The following COPS4 variants were observed in gnomAD, a reference collection of about 807,000 sequenced individuals.
The protein encoded by COPS4 is COP9 signalosome complex subunit 4.
A neutral mutation model predicts 55.1 loss-of-function variants in COPS4; 8 were observed. That is an observed-to-expected ratio of 0.15 (90% CI 0.09 to 0.26). The LOEUF (loss-of-function observed/expected upper bound fraction) is 0.26, where lower values mean the gene tolerates loss of function less well. Among genes scored for constraint, COPS4 ranks in the 10% least tolerant of loss-of-function variants. The pLI, the probability that COPS4 is intolerant of heterozygous loss-of-function variation, is 1.00. For missense variants in COPS4, 248 were observed against 484.0 expected (o/e 0.51, Z 4.58); for synonymous variants, 185 against 165.7 (o/e 1.12, Z -0.90).
chr4:83,056,715 C>T (rs1331158781), intron 4 of COPS4, among the ~76,000 whole-genome samples: 3 of 152,230 alleles, frequency 2.0e-5, no homozygotes, highest in East Asian at 1.9e-4. Context: ...AGGAGAATGG[C>T]GTGAACCCGG....
intron 3 of COPS4, chr4:83,049,542 T>G (rs1730804740): frequency 2.0e-6 from 1 of 505,358 alleles, no homozygotes; most frequent in African/African-American, 2.0e-5. Context: ...CAAATATTGC[T>G]CTCTAGACAA....
intron 7 of COPS4, chr4:83,065,005 C>G: frequency 1.6e-6 from 1 of 623,980 alleles, no homozygotes; most frequent in South Asian, 1.7e-5. Flanking sequence ...CTCCACCTCC[C>G]CAGAAGCTTA....
chr4:83,041,608 C>T (rs1730570015), intron 1 of COPS4, among the ~76,000 whole-genome samples: 1 of 151,440 alleles, frequency 6.6e-6, no homozygotes, highest in African/African-American at 2.4e-5. Flanking sequence ...CTGGGACTTA[C>T]AGTTGTGCAC....
chr4:83,061,047 AT>A (rs756294450), intron 6 of COPS4, among the ~76,000 whole-genome samples: 3 of 150,880 alleles, frequency 2.0e-5, no homozygotes, highest in African/African-American at 7.4e-5. Flanking sequence ...AAAAAAAATA[AT>A]AATAATAATA....
rs574944631 is a variant in COPS4 at position 83,058,279 on chromosome 4, G to A, written c.715+871G>A. Among the ~76,000 whole-genome samples, 20 of 152,260 alleles carry A rather than the reference G, an allele frequency of 1.3e-4. No homozygotes were observed. The East Asian group carries it at 1.9e-3, about 15-fold the overall frequency. On this transcript the variant is annotated intron_variant, in intron 6 of 9. Coordinates refer to ENST00000264389, the MANE Select transcript of COPS4 (RefSeq NM_016129.3). ...ATCACCCAGGCTGGAGTGCAGTGGC[G>A]CAGTCACTGCTTACTACAGCCTCAA...
At chr4:83,046,203 A>G (rs1730709067) in intron 2 of COPS4, among the ~76,000 whole-genome samples, 1 of 152,160 alleles carries the variant, frequency 6.6e-6, no homozygotes, top group African/African-American at 2.4e-5. Context: ...CAACATCACT[A>G]ATCATCAGAG....
chr4:83,059,105 A>G (rs1031878214), intron 6 of COPS4, among the ~76,000 whole-genome samples: 2 of 151,338 alleles, frequency 1.3e-5, no homozygotes, highest in Non-Finnish European at 3.0e-5. Flanking sequence ...TTATACATTT[A>G]TGTTGACTGG....
At chr4:83,065,921 C>T (rs1411480219) in intron 7 of COPS4, among the ~76,000 whole-genome samples, 1 of 152,184 alleles carries the variant, frequency 6.6e-6, no homozygotes, top group Non-Finnish European at 1.5e-5. Context: ...TTGGGAGGCC[C>T]AGGTGGGCGC....
At chr4:83,043,695 A>G (rs2126128171) in intron 1 of COPS4, among the ~76,000 whole-genome samples, 1 of 152,236 alleles carries the variant, frequency 6.6e-6, no homozygotes, top group South Asian at 2.1e-4. Context: ...TTAATTAAAT[A>G]TGAAAAAAAT....
chr4:83,035,338 A>G (rs1197389126), intron 1 of COPS4, 40 bp downstream of exon 1: 2 of 1,456,134 alleles, frequency 1.4e-6, no homozygotes, highest in Non-Finnish European at 1.9e-6. Flanking sequence ...AGAGGTGGGG[A>G]AAGAAAGCCA....
chr4:83,059,896 T>C (rs1731115273), intron 6 of COPS4, among the ~76,000 whole-genome samples: 1 of 151,860 alleles, frequency 6.6e-6, no homozygotes, highest in Admixed American at 6.6e-5. Context: ...AGAGACGGGG[T>C]TTCACCATGT....
In COPS4 at chr4:83,052,436, G is replaced by A. The variant is rs138239936; in HGVS notation, c.410+2452G>A. On this transcript the variant is annotated intron_variant, in intron 4 of 9. Transcript: ENST00000264389. The stretch of plus-strand genomic sequence containing the variant: ...GTTTTCGGCTAGATACTTTGTTGTG[G>A]GGGCTGTCCTGTGTATTGCAGGAGG... 4.4e-3 allele frequency among the ~76,000 whole-genome samples: 676 copies of A among 152,198 alleles called. 13 individuals carry two copies. The highest frequency in any genetic ancestry group is 0.016 in the African/African-American group (647 of 41,518).
At chr4:83,057,577 G>A (rs900360414) in intron 6 of COPS4, among the ~76,000 whole-genome samples, 169 bp downstream of exon 6, 1 of 152,106 alleles carries the variant, frequency 6.6e-6, no homozygotes, top group African/African-American at 2.4e-5. Context: ...AAAATGATTT[G>A]TTAAATAATT....
intron 8 of COPS4, among the ~76,000 whole-genome samples, chr4:83,067,207 A>G (rs371669629): frequency 1.4e-4 from 21 of 151,984 alleles, no homozygotes; most frequent in Admixed American, 9.2e-4. Context: ...AGCTGGTACT[A>G]CAAGTACACA....
In COPS4 at chr4:83,068,418, G is replaced by GT. The variant is rs5859858; in HGVS notation, c.1003-11dup. 363,450 of 1,491,272 alleles carry GT rather than the reference G, an allele frequency of 0.24. 37,790 individuals carry two copies. Among genetic ancestry groups the GT allele is most frequent in the East Asian group, 0.45 (19,062 of 42,654 alleles). The allele number at this position is 1,491,272 out of a possible 1,614,324, so 92.4% of individuals were successfully genotyped here. On this transcript the variant is annotated intron_variant, in intron 8 of 9. Coordinates refer to ENST00000264389, the MANE Select transcript of COPS4 (RefSeq NM_016129.3). ...AAAAGATATGATAAAGTTTCTGAGA[G>GT]TTTTTTTTTCCCCCAATAGGCGGAA... is the stretch of plus-strand genomic sequence containing the variant.
rs537866924 is a variant in COPS4, at chr4:83,072,417, G to T, written c.1088-2880G>T. ...ACTGCACCCGGCCGAATTCTGTCAG[G>T]TTTTCTTCTGGAAGACAATACATAA... On this transcript the variant is annotated intron_variant, in intron 9 of 9. Coordinates refer to ENST00000264389, the MANE Select transcript of COPS4 (RefSeq NM_016129.3). Among the ~76,000 whole-genome samples, 5 of 152,222 alleles carry T rather than the reference G, an allele frequency of 3.3e-5. No homozygotes were observed. In the South Asian group the frequency reaches 1.0e-3, roughly 32 times the overall value.
intron 2 of COPS4, among the ~76,000 whole-genome samples, chr4:83,047,956 G>T (rs1730764012): frequency 6.6e-6 from 1 of 151,426 alleles, no homozygotes; most frequent in African/African-American, 2.4e-5. Flanking sequence ...AGCCAAGATG[G>T]TGCCACTGCA....
chr4:83,063,222 C>T lies in COPS4; in HGVS notation c.862C>T (p.His288Tyr). The change falls in exon 7 of 10, where the codon CAC becomes TAC. Residue 288 changes from histidine to tyrosine, a missense_variant. By Grantham distance (83) the His-to-Tyr change is moderately conservative. Around this residue, in one of 4 missense-constraint regions of COPS4, gnomAD observed 155 missense variants for 326.6 expected, o/e 0.47. Coordinates refer to ENST00000264389, the MANE Select transcript of COPS4 (RefSeq NM_016129.3). ...LQEFAAMLMP[H>Y]QKATTADGSS... ...AGAATTTGCTGCCATGCTGATGCCT[C>T]ACCAAAAAGCAACTACAGCTGATGG... 6.2e-7 allele frequency: 1 copy of T among 1,612,558 alleles called. No homozygotes were observed. Among genetic ancestry groups the T allele is most frequent in the East Asian group, 2.2e-5 (1 of 44,794 alleles).
rs140166684 is a variant in COPS4 at position 83,064,869 on chromosome 4, C to CTTTTTT, written c.887-1543_887-1538dup. On this transcript the variant is annotated intron_variant, in intron 7 of 9. Coordinates refer to ENST00000264389, the MANE Select transcript of COPS4 (RefSeq NM_016129.3). ...GCCACTGTGCCTGGTTAAGCAGTCC[C>CTTTTTT]TTTTTTTTTTTTTTTTTTTTTTTTT... is the stretch of plus-strand genomic sequence containing the variant. Among the ~76,000 whole-genome samples the CTTTTTT allele has an allele frequency of 1.5e-3, 108 of 73,600 alleles. 2 individuals are homozygous for CTTTTTT. The highest frequency in any genetic ancestry group is 5.1e-3 in the African/African-American group (86 of 16,736). 48.3% of individuals were successfully genotyped at this position (73,600 alleles called of 152,430 possible).
Sources: allele counts gnomAD v4.1 joint callset (sites outside exome capture counted in the v4.1 genomes callset), GRCh38; gene constraint gnomAD v4.1.1; regional missense constraint gnomAD v4.1.1; transcripts MANE v1.5; gene names NCBI Gene and HGNC (gene_info 2026-07-23, HGNC 2026-07-21).